The following PHLDB2 variants were observed in gnomAD, a reference collection of about 807,000 sequenced individuals.
The protein encoded by PHLDB2 is pleckstrin homology like domain family B member 2, also known as pleckstrin homology-like domain family B member 2.
PHLDB2 carries 71 observed loss-of-function variants against 123.6 expected under a neutral mutation model. The ratio of observed to expected loss-of-function variants is 0.57; its 90% confidence interval spans 0.47 to 0.70. PHLDB2 has a LOEUF of 0.70. Among genes scored for constraint, PHLDB2 ranks in the 30% least tolerant of loss-of-function variants. PHLDB2 has a pLI of 0.00. For synonymous variants in PHLDB2, 547 were observed against 541.6 expected (o/e 1.01, Z -0.14); for missense variants, 1,446 against 1,519.5 (o/e 0.95, Z 0.80).
intron 1 of PHLDB2, among the ~76,000 whole-genome samples, chr3:111,789,560 T>C (rs778504252): frequency 4.6e-5 from 7 of 152,218 alleles, no homozygotes; most frequent in Non-Finnish European, 8.8e-5. Context: ...ATTCAAATGG[T>C]TCTCAGTTCA....
chr3:111,879,588 C>T (rs1263186069), intron 1 of PHLDB2, among the ~76,000 whole-genome samples: 1 of 152,002 alleles, frequency 6.6e-6, no homozygotes, highest in African/African-American at 2.4e-5. Context: ...CAGGCACACT[C>T]GTGTAACTTT....
chr3:111,898,743 A>G (rs188965190), intron 2 of PHLDB2, among the ~76,000 whole-genome samples: 18 of 152,316 alleles, frequency 1.2e-4, no homozygotes, highest in Middle Eastern at 3.4e-3. Context: ...TCGAGAAACC[A>G]TTTTCTTCAC....
At chr3:111,865,278 C>G (rs2065014402) in intron 1 of PHLDB2, among the ~76,000 whole-genome samples, 1 of 152,202 alleles carries the variant, frequency 6.6e-6, no homozygotes, top group Admixed American at 6.5e-5. Flanking sequence ...CATGCTCAAT[C>G]AAATACCCAT....
At chr3:111,947,638 G>C (rs1038615535) in intron 9 of PHLDB2, among the ~76,000 whole-genome samples, 1 of 152,138 alleles carries the variant, frequency 6.6e-6, no homozygotes, top group Non-Finnish European at 1.5e-5. Context: ...CTGAGCAAAA[G>C]AAAAACTCAA....
intron 2 of PHLDB2, among the ~76,000 whole-genome samples, chr3:111,892,418 G>A (rs1182530382): frequency 6.6e-6 from 1 of 152,170 alleles, no homozygotes; most frequent in Non-Finnish European, 1.5e-5. Context: ...GATGACTAGA[G>A]TATAGGAAGC....
chr3:111,845,892 A>C (rs1427045395), exon 2 of PHLDB2: 1 of 1,614,092 alleles, frequency 6.2e-7, no homozygotes, highest in African/African-American at 1.3e-5. Context: ...ATACCAAGAG[A>C]GAGGTGCCCA....
intron 1 of PHLDB2, among the ~76,000 whole-genome samples, chr3:111,815,866 C>T (rs1031300590): frequency 6.6e-6 from 1 of 152,122 alleles, no homozygotes; most frequent in Non-Finnish European, 1.5e-5. Context: ...TTCCTGGAGG[C>T]CTAGGAGGAA....
chr3:111,843,545 A>T (rs575329975), intron 1 of PHLDB2, among the ~76,000 whole-genome samples: 16 of 152,308 alleles, frequency 1.1e-4, no homozygotes, highest in Admixed American at 9.2e-4. Flanking sequence ...ACATGGCAGC[A>T]TGCCTGGCTA....
At chr3:111,752,883 G>C (rs1486351851) in intron 1 of PHLDB2, among the ~76,000 whole-genome samples, 3 of 151,460 alleles carry the variant, frequency 2.0e-5, no homozygotes, top group Non-Finnish European at 2.9e-5. Flanking sequence ...CCACCTATGA[G>C]TGAGAATATG....
At chr3:111,865,270 T>C (rs2065013838) in intron 1 of PHLDB2, among the ~76,000 whole-genome samples, 1 of 152,232 alleles carries the variant, frequency 6.6e-6, no homozygotes, top group Admixed American at 6.5e-5. Context: ...TTATACATCA[T>C]GCTCAATCAA....
chr3:111,949,005 C>CTGCTGA lies in PHLDB2; in HGVS notation c.2573_2578dup (p.Asp858_Ala859dup), dbSNP rs749901234. 1.9e-6 allele frequency: 3 copies of CTGCTGA among 1,613,980 alleles called. No individual in the cohort carries two copies. Among genetic ancestry groups the CTGCTGA allele is most frequent in the South Asian group, 1.1e-5 (1 of 91,086 alleles). Reference sequence around the variant, plus strand: ...AATCTATCCCCTTCCACTCAGTTTCCTGCTGATGCTGATGCTGTTGCCACT... The same window carrying CTGCTGA: ...AATCTATCCCCTTCCACTCAGTTTCCTGCTGATGCTGATGCTGATGCTGTTGCCACT... On this transcript the variant is annotated inframe_insertion, in exon 10 of 18. Coordinates refer to ENST00000431670, the MANE Select transcript of PHLDB2 (RefSeq NM_001134438.2).
chr3:111,884,856 A>G lies in PHLDB2; in HGVS notation c.779A>G (p.Tyr260Cys). The stretch of plus-strand genomic sequence containing the variant: ...TACAGCCGATCACTTCCCAGGTTGT[A>G]CAGAGCCACAGAGAACCAGCTGACA... ...GAYSRSLPRL[Y>C]RATENQLTPL... Residue 260 changes from tyrosine to cysteine, a missense_variant, in exon 2 of 18, where the codon TAC becomes TGC. Physicochemically the swap from Tyr to Cys is radical, Grantham distance 194 (BLOSUM62 -2). Coordinates refer to ENST00000431670, the MANE Select transcript of PHLDB2 (RefSeq NM_001134438.2). 1 of 1,614,214 alleles carries G rather than the reference A, an allele frequency of 6.2e-7. No homozygotes were observed. Among genetic ancestry groups the G allele is most frequent in the Non-Finnish European group, 8.5e-7 (1 of 1,180,026 alleles).
At chr3:111,867,797 G>T (rs1370018919) in intron 1 of PHLDB2, among the ~76,000 whole-genome samples, 1 of 151,952 alleles carries the variant, frequency 6.6e-6, no homozygotes, top group Non-Finnish European at 1.5e-5. Flanking sequence ...GGTTTCCTGG[G>T]TTCAACTGAT....
intron 1 of PHLDB2, among the ~76,000 whole-genome samples, chr3:111,781,221 G>A (rs2060462794): frequency 6.6e-6 from 1 of 152,000 alleles, no homozygotes; most frequent in South Asian, 2.1e-4. Context: ...TATGTCTGAT[G>A]AACTCTATTG....
chr3:111,850,284 A>G (rs1354696625), intron 2 of PHLDB2, among the ~76,000 whole-genome samples: 2 of 152,190 alleles, frequency 1.3e-5, no homozygotes, highest in African/African-American at 2.4e-5. Context: ...AATGGACTTT[A>G]GAAACTCAAA....
intron 1 of PHLDB2, among the ~76,000 whole-genome samples, chr3:111,792,041 T>A (rs1422622099): frequency 1.3e-5 from 2 of 152,210 alleles, no homozygotes; most frequent in East Asian, 3.8e-4. Flanking sequence ...TGAGATCAAC[T>A]TTTTTAGCTT....
chr3:111,756,720 G>A (rs2059896824), intron 1 of PHLDB2, among the ~76,000 whole-genome samples: 1 of 152,174 alleles, frequency 6.6e-6, no homozygotes, highest in Non-Finnish European at 1.5e-5. Flanking sequence ...TTGCTCGTTA[G>A]TGGATGCAGT....
intron 1 of PHLDB2, among the ~76,000 whole-genome samples, chr3:111,775,903 T>A (rs977267335): frequency 5.9e-5 from 9 of 152,188 alleles, no homozygotes; most frequent in African/African-American, 2.2e-4. Context: ...GTTTTAAAAG[T>A]ATGCTTCATT....
intron 1 of PHLDB2, among the ~76,000 whole-genome samples, chr3:111,823,961 C>T (rs1207496715): frequency 6.6e-6 from 1 of 152,170 alleles, no homozygotes; most frequent in Non-Finnish European, 1.5e-5. Flanking sequence ...TCTGGGATTA[C>T]TCATAAAAAG....
Sources: gnomAD v4.1 joint callset for allele counts (sites outside exome capture counted in the v4.1 genomes callset) on GRCh38, gnomAD v4.1.1 for gene constraint, MANE v1.5 for transcripts, NCBI Gene and HGNC (gene_info 2026-07-23, HGNC 2026-07-21) for gene names.